SMARCA2: variants seen among roughly 807,000 people sequenced by gnomAD.
The protein encoded by SMARCA2 is SWI/SNF related BAF chromatin remodeling complex subunit ATPase 2.
A neutral mutation model predicts 199.8 loss-of-function variants in SMARCA2; 61 were observed. That is an observed-to-expected ratio of 0.31 (90% CI 0.25 to 0.38). The LOEUF is 0.38. Among genes scored for constraint, SMARCA2 ranks in the 10% least tolerant of loss-of-function variants. The pLI, the probability that SMARCA2 is intolerant of heterozygous loss-of-function variation, is 1.00. For missense variants in SMARCA2, 1,344 were observed against 2,012.2 expected (o/e 0.67, Z 6.35); for synonymous variants, 935 against 732.0 (o/e 1.28, Z -4.48).
chr9:2,161,909 T>C lies in SMARCA2; in HGVS notation c.4199+6T>C, dbSNP rs1825701060. 1 of 1,608,396 alleles carries C rather than the reference T, an allele frequency of 6.2e-7. No homozygotes were observed. The highest frequency in any genetic ancestry group is 1.1e-5 in the South Asian group (1 of 90,802). ...GTGATAAACTACAAAGATAGGTGAG[T>C]GTTTGGTTCCTTCACCTTGATCATC... On this transcript the variant is annotated splice_donor_region_variant and intron_variant, in intron 28 of 33. Transcript: ENST00000349721. This position sits in a 1 kb window ranked among gnomAD's most constrained non-coding sequence, Gnocchi z 4.7.
intron 19 of SMARCA2, among the ~76,000 whole-genome samples, chr9:2,094,793 C>G (rs757621714): frequency 6.6e-6 from 1 of 152,146 alleles, no homozygotes; most frequent in Admixed American, 6.5e-5. Context: ...GCACTTTGCA[C>G]AGGGCTTTTT....
chr9:2,040,010 T>A (rs537651730), intron 4 of SMARCA2, 110 bp downstream of exon 4: 55 of 1,530,662 alleles, frequency 3.6e-5, no homozygotes, highest in Non-Finnish European at 4.1e-5. Context: ...TAGCCTTTTG[T>A]TATACCTCAC....
intron 27 of SMARCA2, chr9:2,159,898 G>A (rs369140373): frequency 1.9e-5 from 30 of 1,611,368 alleles, no homozygotes; most frequent in Non-Finnish European, 2.4e-5. Context: ...CCGGCCTGCT[G>A]ATAGTGGTAA....
chr9:2,099,121 C>T (rs7853754), intron 21 of SMARCA2, among the ~76,000 whole-genome samples: 1 of 152,066 alleles, frequency 6.6e-6, no homozygotes, highest in Admixed American at 6.5e-5. Flanking sequence ...ATAGATTATA[C>T]TACTGGCAGG....
Position 2,074,550 on chromosome 9 carries a change from A to G in SMARCA2, c.1935+927A>G, listed in dbSNP as rs144122703. Among the ~76,000 whole-genome samples, 696 of 152,298 alleles carry G rather than the reference A, an allele frequency of 4.6e-3. 6 individuals are homozygous for G. Among genetic ancestry groups the G allele is most frequent in the African/African-American group, 0.016 (654 of 41,554 alleles). ...AAAGAGAAAGAATAATAAAAGTTAC[A>G]TTACAAAAAAGCATAATCATTAAAA... On this transcript the variant is annotated intron_variant, in intron 12 of 33. Transcript: ENST00000349721.
intron 27 of SMARCA2, among the ~76,000 whole-genome samples, chr9:2,132,921 T>C (rs966634543): frequency 1.3e-5 from 2 of 152,250 alleles, no homozygotes; most frequent in Non-Finnish European, 2.9e-5. Flanking sequence ...CCATTTTATA[T>C]AATTCGGGAG....
intron 28 of SMARCA2, among the ~76,000 whole-genome samples, chr9:2,167,846 T>A (rs1381380897): frequency 1.3e-5 from 2 of 152,120 alleles, no homozygotes; most frequent in African/African-American, 2.4e-5. Flanking sequence ...CACTAGCTCA[T>A]CATGCAGTGG....
At chr9:2,144,838 A>C (rs1029495080) in intron 27 of SMARCA2, among the ~76,000 whole-genome samples, 1 of 151,976 alleles carries the variant, frequency 6.6e-6, no homozygotes, top group African/African-American at 2.4e-5. Flanking sequence ...ATCACAACTC[A>C]TCTCACCTGT....
At chr9:2,186,558 G>A (rs1186329277) in intron 32 of SMARCA2, among the ~76,000 whole-genome samples, 2 of 152,116 alleles carry the variant, frequency 1.3e-5, no homozygotes, top group African/African-American at 2.4e-5. Flanking sequence ...GAGTGCAGTG[G>A]CATGATCTTA....
chr9:2,058,839 T>A (rs1308189543), intron 8 of SMARCA2, among the ~76,000 whole-genome samples: 1 of 152,202 alleles, frequency 6.6e-6, no homozygotes, highest in African/African-American at 2.4e-5. Flanking sequence ...CCACGTTTTT[T>A]GGAATGAATA....
In SMARCA2 at chr9:2,161,275, T is replaced by C. The variant is rs1448351775; in HGVS notation, c.3982-411T>C. 2.0e-5 allele frequency among the ~76,000 whole-genome samples: 3 copies of C among 152,198 alleles called. No homozygotes were observed. Among genetic ancestry groups the C allele is most frequent in the Non-Finnish European group, 4.4e-5 (3 of 68,034 alleles). ...CGTGTGGATGTATTCTTAGGGATTGTTTTTTCATAACCCACCCCTCGTTTT... is the reference window on the plus strand; with the variant it reads ...CGTGTGGATGTATTCTTAGGGATTGCTTTTTCATAACCCACCCCTCGTTTT... On this transcript the variant is annotated intron_variant, in intron 27 of 33. Coordinates refer to ENST00000349721, the MANE Select transcript of SMARCA2 (RefSeq NM_003070.5). This position sits in a 1 kb window ranked among gnomAD's most constrained non-coding sequence, Gnocchi z 4.7.
intron 1 of SMARCA2, among the ~76,000 whole-genome samples, chr9:2,021,626 T>G (rs1264975989): frequency 6.6e-6 from 1 of 152,206 alleles, no homozygotes; most frequent in Non-Finnish European, 1.5e-5. Context: ...GCTTTGCAAA[T>G]AGTCACAATT....
At chr9:2,182,480 T>A (rs1827110412) in intron 31 of SMARCA2, among the ~76,000 whole-genome samples, 1 of 15,276 alleles carries the variant, frequency 6.5e-5, no homozygotes, top group African/African-American at 3.8e-4. Flanking sequence ...CTTATAGTCT[T>A]TTTTTTTTTT....
chr9:2,030,719 G>T (rs1363571580), intron 2 of SMARCA2, among the ~76,000 whole-genome samples: 1 of 151,940 alleles, frequency 6.6e-6, no homozygotes, highest in Non-Finnish European at 1.5e-5. Context: ...GGCACCTGAG[G>T]CCCAGTCAAG....
At chr9:2,147,878 G>T (rs1455858701) in intron 27 of SMARCA2, among the ~76,000 whole-genome samples, 1 of 150,328 alleles carries the variant, frequency 6.7e-6, no homozygotes, top group East Asian at 1.9e-4. Flanking sequence ...CACCCAGGCT[G>T]TAGTGCAGTG....
chr9:2,042,498 C>G (rs146491113), intron 4 of SMARCA2: 19 of 152,278 alleles, frequency 1.2e-4, no homozygotes, highest in Admixed American at 2.6e-4. Context: ...GTTTGAGAAA[C>G]CTTTTTCATC....
rs988524885 is a variant in SMARCA2, at chr9:2,086,712, A to G, written c.2527-117A>G. ...AGATTCCCTTGTCTCAAAGGTAATC[A>G]CAGCATATCATATACCAAGGATGGG... On this transcript the variant is annotated intron_variant, in intron 17 of 33. Transcript: ENST00000349721. The surrounding 1 kb of genome is among the most constrained non-coding windows in gnomAD (Gnocchi z 4.3). 12 of 1,078,040 alleles carry G rather than the reference A, an allele frequency of 1.1e-5. No homozygotes were observed. The African/African-American group carries it at 1.4e-4, about 13-fold the overall frequency. 66.8% of individuals were successfully genotyped at this position (1,078,040 alleles called of 1,614,324 possible).
At chr9:2,020,617 G>T (rs1449545588) in intron 1 of SMARCA2, among the ~76,000 whole-genome samples, 1 of 152,088 alleles carries the variant, frequency 6.6e-6, no homozygotes. Context: ...AACCTGGGCT[G>T]GCAAAACTGC....
intron 32 of SMARCA2, among the ~76,000 whole-genome samples, chr9:2,186,975 G>A (rs577289666): frequency 2.0e-5 from 3 of 152,340 alleles, no homozygotes; most frequent in Admixed American, 6.5e-5. Flanking sequence ...TGATCCAGTA[G>A]CCTGTTGTGG....
Sources: allele counts gnomAD v4.1 joint callset (sites outside exome capture counted in the v4.1 genomes callset), GRCh38; gene constraint gnomAD v4.1.1; non-coding constraint Gnocchi (gnomAD v3.1); transcripts MANE v1.5; gene names NCBI Gene and HGNC (gene_info 2026-07-23, HGNC 2026-07-21).